The following PDXDC1 variants were observed in gnomAD, a reference collection of about 807,000 sequenced individuals.
PDXDC1 encodes the protein pyridoxal dependent decarboxylase domain containing 1.
PDXDC1 carries 42 observed loss-of-function variants against 100.1 expected under a neutral mutation model. The observed-to-expected ratio is 0.42, with a 90% CI of 0.33 to 0.54. The LOEUF (loss-of-function observed/expected upper bound fraction) is 0.54. Among genes scored for constraint, PDXDC1 ranks in the 20% least tolerant of loss-of-function variants. The probability of loss-of-function intolerance (pLI) is 0.10; values close to 1 mark genes in which losing one functional copy is unlikely to be tolerated. For synonymous variants in PDXDC1, 260 were observed against 371.7 expected, an observed-to-expected ratio of 0.70 and a Z score of 3.46; for missense variants, 636 against 979.2, an observed-to-expected ratio of 0.65 and a Z score of 4.68.
At chr16:15,087,723 CTAAG>C (rs1325441066) in intron 16 of PDXDC1, among the ~76,000 whole-genome samples, 4 of 152,310 alleles carry the variant, frequency 2.6e-5, no homozygotes, top group African/African-American at 9.6e-5. Flanking sequence ...AGAAAACAAG[CTAAG>C]TTAGTGTACA....
At chr16:15,060,419 A>C (rs185898520) in intron 16 of PDXDC1, 193 of 177,740 alleles carry the variant, frequency 1.1e-3, no homozygotes, top group African/African-American at 4.4e-3. Flanking sequence ...CATTGCCATC[A>C]ATGTAATTAT....
At chr16:14,983,406 A>C (rs1186743638) in intron 1 of PDXDC1, among the ~76,000 whole-genome samples, 1 of 145,652 alleles carries the variant, frequency 6.9e-6, no homozygotes, top group Non-Finnish European at 1.5e-5. Flanking sequence ...CCCCGTCTCT[A>C]CTAAAAATAC....
chr16:15,140,971 CT>C, downstream of PDXDC1, among the ~76,000 whole-genome samples: 1 of 152,244 alleles, frequency 6.6e-6, no homozygotes, highest in East Asian at 1.9e-4. Flanking sequence ...TAGACTTGCT[CT>C]TCCCAGCAAT....
At chr16:15,002,011 T>A in intron 4 of PDXDC1, 155 bp downstream of exon 4, 1 of 653,116 alleles carries the variant, frequency 1.5e-6, no homozygotes, top group Non-Finnish European at 2.5e-6. Context: ...ACATTTATAT[T>A]AATATATATT....
chr16:15,038,573 C>A, downstream of PDXDC1: 1 of 1,502,522 alleles, frequency 6.7e-7, no homozygotes, highest in Non-Finnish European at 9.3e-7. Flanking sequence ...TAAACTCTCA[C>A]CTCTAGTATT....
At chr16:15,078,688 T>A (rs1237790148) in intron 16 of PDXDC1, among the ~76,000 whole-genome samples, 2 of 152,066 alleles carry the variant, frequency 1.3e-5, no homozygotes, top group African/African-American at 4.8e-5. Flanking sequence ...TCCAAAGGTT[T>A]ATGCTCAGGT....
chr16:15,128,603 A>G (rs1424843036), intron 16 of PDXDC1, among the ~76,000 whole-genome samples: 9 of 152,136 alleles, frequency 5.9e-5, no homozygotes, highest in Non-Finnish European at 8.8e-5. Context: ...TTACATGGAA[A>G]GAACTGTAAC....
At chr16:15,124,490 A>G (rs1204507066) in intron 16 of PDXDC1, among the ~76,000 whole-genome samples, 1 of 148,556 alleles carries the variant, frequency 6.7e-6, no homozygotes, top group Non-Finnish European at 1.5e-5. Flanking sequence ...AAAACAAAAC[A>G]GGGGCTGGGG....
chr16:15,014,529 A>C (rs1229202240), intron 8 of PDXDC1, among the ~76,000 whole-genome samples: 4 of 152,280 alleles, frequency 2.6e-5, no homozygotes, highest in Admixed American at 1.3e-4. Flanking sequence ...CAGCCCATGC[A>C]TTGACATTTG....
chr16:15,125,145 C>CTG, intron 16 of PDXDC1: 1 of 444,704 alleles, frequency 2.2e-6, no homozygotes, highest in Non-Finnish European at 3.8e-6. Context: ...GAATGAGACT[C>CTG]TGTCTCAAAA....
intron 1 of PDXDC1, among the ~76,000 whole-genome samples, chr16:14,997,329 G>A (rs1164637899): frequency 6.6e-6 from 1 of 152,290 alleles, no homozygotes; most frequent in Non-Finnish European, 1.5e-5. Flanking sequence ...TTGAGGTCAA[G>A]AGTTCGAGAC....
intron 1 of PDXDC1, among the ~76,000 whole-genome samples, chr16:14,983,572 CAAAAAAAA>C (rs56258905): frequency 3.3e-4 from 29 of 88,426 alleles, no homozygotes; most frequent in South Asian, 1.4e-3. Context: ...GACTCCGTCT[CAAAAAAAA>C]AAAAAAAAAA....
At position 14,975,120 on chromosome 16, in the gene PDXDC1, G is replaced by T; in HGVS notation, c.-80G>T. ...CGCGGGCGCGGGGGACGTCAGCGCTGCCAGCGTGGAAGGAGCTGCGGGGCG... is the reference window on the plus strand; with the variant it reads ...CGCGGGCGCGGGGGACGTCAGCGCTTCCAGCGTGGAAGGAGCTGCGGGGCG... On this transcript the variant is annotated 5_prime_UTR_variant, in exon 1 of 23. Transcript: ENST00000396410. 5 of 1,471,162 alleles carry T rather than the reference G, an allele frequency of 3.4e-6. No homozygotes were observed. Among genetic ancestry groups the T allele is most frequent in the South Asian group, 1.4e-5 (1 of 70,994 alleles). The allele number at this position is 1,471,162 out of a possible 1,614,324, so 91.1% of individuals were successfully genotyped here.
chr16:15,028,538 G>A (rs1022600081), intron 14 of PDXDC1, among the ~76,000 whole-genome samples: 1 of 152,304 alleles, frequency 6.6e-6, no homozygotes, highest in African/African-American at 2.4e-5. Flanking sequence ...CCCACTGTGA[G>A]GCCTAGTTAG....
intron 12 of PDXDC1, 137 bp downstream of exon 12, chr16:15,019,102 G>A (rs576656375): frequency 4.1e-6 from 5 of 1,218,092 alleles, no homozygotes; most frequent in African/African-American, 1.5e-5. Flanking sequence ...TAATCGCCCT[G>A]CATGTAAATA....
chr16:15,127,834 T>C (rs1194160968), intron 16 of PDXDC1: 2 of 1,563,790 alleles, frequency 1.3e-6, no homozygotes, highest in South Asian at 1.2e-5. Flanking sequence ...GATGTGCTTG[T>C]CAAAGAAGCC....
At chr16:15,079,264 C>T (rs1217708134) in intron 16 of PDXDC1, among the ~76,000 whole-genome samples, 1 of 152,204 alleles carries the variant, frequency 6.6e-6, no homozygotes, top group Non-Finnish European at 1.5e-5. Flanking sequence ...TCACTAGAAT[C>T]TACTACTTCC....
At chr16:15,012,106 AT>A (rs34296058) in intron 8 of PDXDC1, among the ~76,000 whole-genome samples, 68 of 148,962 alleles carry the variant, frequency 4.6e-4, no homozygotes, top group East Asian at 8.0e-4. Context: ...AAGCAATACA[AT>A]TTTTTTTTTT....
chr16:15,012,805 T>C (rs1047373398), intron 8 of PDXDC1, among the ~76,000 whole-genome samples: 1 of 151,720 alleles, frequency 6.6e-6, no homozygotes, highest in East Asian at 1.9e-4. Context: ...TGAGCCAAGA[T>C]TGTGCTACCA....
Sources: allele counts gnomAD v4.1 joint callset (sites outside exome capture counted in the v4.1 genomes callset), GRCh38; gene constraint gnomAD v4.1.1; transcripts MANE v1.5; gene names NCBI Gene and HGNC (gene_info 2026-07-23, HGNC 2026-07-21).